The following KSR2 variants were observed in gnomAD, a reference collection of about 807,000 sequenced individuals.
KSR2 encodes the protein kinase suppressor of ras 2.
Under a neutral mutation model 107.8 loss-of-function variants are expected in KSR2, and 25 were observed. That is an observed-to-expected ratio of 0.23 (90% CI 0.17 to 0.32). The LOEUF is 0.32. KSR2 is among the 10% of genes least tolerant of loss of function. The pLI is 1.00. For synonymous variants in KSR2, 480 were observed against 507.0 expected (o/e 0.95, Z 0.71); for missense variants, 887 against 1,268.9 (o/e 0.70, Z 4.57).
chr12:117,815,873 G>T (rs1266884569), intron 3 of KSR2, among the ~76,000 whole-genome samples: 1 of 151,982 alleles, frequency 6.6e-6, no homozygotes, highest in Non-Finnish European at 1.5e-5. Context: ...TACTCGGGAG[G>T]CTGAGGCAGG....
At chr12:117,608,213 T>C (rs566295707) in intron 5 of KSR2, among the ~76,000 whole-genome samples, 2 of 152,344 alleles carry the variant, frequency 1.3e-5, no homozygotes, top group East Asian at 1.9e-4. Flanking sequence ...AAGTGTCTAA[T>C]GGTGTCCAAT....
intron 4 of KSR2, among the ~76,000 whole-genome samples, chr12:117,755,928 A>G (rs1435600483): frequency 3.9e-5 from 6 of 152,234 alleles, no homozygotes; most frequent in Admixed American, 3.9e-4. Flanking sequence ...TCTGGATGGA[A>G]GATCAAGCCA....
At chr12:117,477,622 C>T (rs1871869663) in intron 16 of KSR2, among the ~76,000 whole-genome samples, 1 of 152,186 alleles carries the variant, frequency 6.6e-6, no homozygotes, top group South Asian at 2.1e-4. Flanking sequence ...ATCTACGTGA[C>T]ATAAAGGATC....
intron 3 of KSR2, among the ~76,000 whole-genome samples, chr12:117,771,866 C>T (rs1412087046): frequency 6.6e-6 from 1 of 151,384 alleles, no homozygotes; most frequent in Non-Finnish European, 1.5e-5. Flanking sequence ...CTCACACATA[C>T]CACTCCCCCA....
intron 3 of KSR2, among the ~76,000 whole-genome samples, chr12:117,763,709 T>C (rs143924801): frequency 1.3e-5 from 2 of 152,116 alleles, no homozygotes; most frequent in African/African-American, 4.8e-5. Context: ...AGGAAGCCAT[T>C]GGGAGTTTTG....
chr12:117,667,315 G>A lies in KSR2; in HGVS notation c.1171+159C>T, dbSNP rs71452612. 4.4e-3 allele frequency among the ~76,000 whole-genome samples: 664 copies of A among 152,282 alleles called. 1 individual carries two copies. The highest frequency in any genetic ancestry group is 6.9e-3 in the Non-Finnish European group (469 of 68,020). On this transcript the variant is annotated intron_variant, in intron 5 of 19. Transcript: ENST00000339824. ...CATGAGTGGCATAGGCAGATGGGGG[G>A]GCTGTGGGCAGATGATGGGTGAAGC... is the stretch of plus-strand genomic sequence containing the variant.
chr12:117,632,830 G>T (rs1463478981), intron 5 of KSR2, among the ~76,000 whole-genome samples: 1 of 152,066 alleles, frequency 6.6e-6, no homozygotes, highest in Non-Finnish European at 1.5e-5. Flanking sequence ...TAGGATAATG[G>T]CCTCCAGCTC....
intron 16 of KSR2, 144 bp downstream of exon 16, chr12:117,484,272 A>G (rs1872333325): frequency 1.2e-6 from 1 of 866,236 alleles, no homozygotes. Context: ...TTGGCATCCC[A>G]CATCAGTAGA....
At chr12:117,700,047 AC>A (rs144465381) in intron 4 of KSR2, among the ~76,000 whole-genome samples, 2,080 of 148,242 alleles carry the variant, frequency 0.014, 45 homozygotes, top group African/African-American at 0.047. Context: ...TAATTTTGGT[AC>A]TTTTTTTTTT....
chr12:117,644,195 A>T (rs1363363246), intron 5 of KSR2, among the ~76,000 whole-genome samples: 1 of 152,240 alleles, frequency 6.6e-6, no homozygotes, highest in East Asian at 1.9e-4. Flanking sequence ...GACAGTAATC[A>T]GTGTGTTAGT....
At chr12:117,676,197 C>T (rs964220638) in intron 4 of KSR2, among the ~76,000 whole-genome samples, 1 of 152,168 alleles carries the variant, frequency 6.6e-6, no homozygotes, top group Non-Finnish European at 1.5e-5. Flanking sequence ...AGAATCTGCT[C>T]TGTTATTGGC....
At chr12:117,959,999 G>C (rs370929333) in intron 1 of KSR2, among the ~76,000 whole-genome samples, 1 of 150,570 alleles carries the variant, frequency 6.6e-6, no homozygotes, top group Non-Finnish European at 1.5e-5. Flanking sequence ...ACCAGCTTCT[G>C]TCTCCCACTG....
chr12:117,962,370 C>T (rs950291588), intron 1 of KSR2, among the ~76,000 whole-genome samples: 3 of 151,982 alleles, frequency 2.0e-5, no homozygotes, highest in Non-Finnish European at 4.4e-5. Flanking sequence ...ATCTATCCTA[C>T]AGCCTAGGGA....
At chr12:117,730,577 T>A (rs1887629276) in intron 4 of KSR2, among the ~76,000 whole-genome samples, 1 of 152,266 alleles carries the variant, frequency 6.6e-6, no homozygotes, top group African/African-American at 2.4e-5. Flanking sequence ...TGGACTGTAC[T>A]GCCGCCATCT....
intron 4 of KSR2, among the ~76,000 whole-genome samples, chr12:117,717,740 C>T (rs1173589845): frequency 6.7e-6 from 1 of 150,180 alleles, no homozygotes; most frequent in South Asian, 2.1e-4. Context: ...TGCACGTGTG[C>T]CTGTCCTAAT....
At chr12:117,962,220 T>C in intron 1 of KSR2, among the ~76,000 whole-genome samples, 1 of 147,862 alleles carries the variant, frequency 6.8e-6, no homozygotes, top group Non-Finnish European at 1.5e-5. Context: ...CAACCTCAAC[T>C]CCTAATATTT....
rs1003092715 is a variant in KSR2 at position 117,842,627 on chromosome 12, C to G, written c.472+12801G>C. On this transcript the variant is annotated intron_variant, in intron 3 of 19. Transcript: ENST00000339824. The surrounding 1 kb of genome is among the most constrained non-coding windows in gnomAD (Gnocchi z 4.2). ...TTCTGCACCCAATTCTTCTGCCCAGCACCTCGTGGATGCCAGGAATAAAAA... is the reference window on the plus strand; with the variant it reads ...TTCTGCACCCAATTCTTCTGCCCAGGACCTCGTGGATGCCAGGAATAAAAA... 5.9e-5 allele frequency among the ~76,000 whole-genome samples: 9 copies of G among 152,196 alleles called. No individual in the cohort carries two copies. The highest frequency in any genetic ancestry group is 2.0e-4 in the Admixed American group (3 of 15,274).
chr12:117,546,318 A>T (rs976093533), intron 9 of KSR2, among the ~76,000 whole-genome samples: 2 of 152,150 alleles, frequency 1.3e-5, no homozygotes, highest in Admixed American at 6.5e-5. Flanking sequence ...ATGGTTTCTG[A>T]TGAGAAATTT....
At chr12:117,668,247 T>C (rs1884749502) in intron 4 of KSR2, among the ~76,000 whole-genome samples, 1 of 152,224 alleles carries the variant, frequency 6.6e-6, no homozygotes, top group African/African-American at 2.4e-5. Flanking sequence ...CAGTGCCTCT[T>C]CTGGAAATGC....
Sources: gnomAD v4.1 joint callset for allele counts (sites outside exome capture counted in the v4.1 genomes callset) on GRCh38, gnomAD v4.1.1 for gene constraint, Gnocchi (gnomAD v3.1) non-coding constraint, MANE v1.5 for transcripts, NCBI Gene and HGNC (gene_info 2026-07-23, HGNC 2026-07-21) for gene names.